Variants in CNTNAP5 observed in about 807,000 individuals in gnomAD.
The protein encoded by CNTNAP5 is contactin associated protein family member 5.
In CNTNAP5, 72 loss-of-function variants were observed where a neutral mutation model predicts 150.2. That is an observed-to-expected ratio of 0.48 (90% CI 0.40 to 0.58). The LOEUF (loss-of-function observed/expected upper bound fraction) is 0.58. CNTNAP5 is among the 20% of genes least tolerant of loss of function. CNTNAP5 has a pLI of 0.00. For missense variants in CNTNAP5, 1,636 were observed against 1,626.2 expected, an observed-to-expected ratio of 1.01 and a Z score of -0.10; for synonymous variants, 672 against 619.8, an observed-to-expected ratio of 1.08 and a Z score of -1.25.
chr2:124,216,944 A>G (rs1255343956), intron 1 of CNTNAP5, among the ~76,000 whole-genome samples: 2 of 152,170 alleles, frequency 1.3e-5, no homozygotes, highest in African/African-American at 4.8e-5. Flanking sequence ...TTCTAGTTCT[A>G]GATCCCTGAG....
chr2:124,456,181 A>G (rs1365826298), intron 6 of CNTNAP5, among the ~76,000 whole-genome samples: 1 of 152,234 alleles, frequency 6.6e-6, no homozygotes, highest in Non-Finnish European at 1.5e-5. Flanking sequence ...AGACTCATTC[A>G]GAAGCTCCTA....
At chr2:124,441,778 A>G (rs868428628) in intron 5 of CNTNAP5, among the ~76,000 whole-genome samples, 2 of 151,962 alleles carry the variant, frequency 1.3e-5, no homozygotes, top group Non-Finnish European at 2.9e-5. Flanking sequence ...AGTTGTGAAC[A>G]TAAGTTTAAG....
intron 17 of CNTNAP5, among the ~76,000 whole-genome samples, chr2:124,786,446 G>GGAAGGAAGGAAA (rs1681590033): frequency 6.3e-5 from 5 of 78,848 alleles, no homozygotes; most frequent in East Asian, 6.7e-4. Flanking sequence ...AAGGAAGGAA[G>GGAAGGAAGGAAA]GAAAGAAAGA....
chr2:124,626,068 A>G (rs1249074131), intron 12 of CNTNAP5, among the ~76,000 whole-genome samples: 1 of 152,196 alleles, frequency 6.6e-6, no homozygotes, highest in Non-Finnish European at 1.5e-5. Context: ...AATATCTGAC[A>G]TGCCCTAAGA....
chr2:124,734,767 G>A (rs867283570), intron 13 of CNTNAP5, among the ~76,000 whole-genome samples: 18 of 152,084 alleles, frequency 1.2e-4, no homozygotes, highest in Middle Eastern at 3.4e-3. Context: ...TAACGCATGC[G>A]ATTTGGTAAG....
chr2:124,247,752 A>C (rs1339435642), intron 3 of CNTNAP5, among the ~76,000 whole-genome samples: 6 of 152,022 alleles, frequency 3.9e-5, no homozygotes, highest in African/African-American at 1.4e-4. Context: ...GAAGAGAGAG[A>C]CTGGATAGAT....
intron 12 of CNTNAP5, among the ~76,000 whole-genome samples, chr2:124,621,905 A>T (rs976536599): frequency 6.6e-6 from 1 of 152,226 alleles, no homozygotes; most frequent in Non-Finnish European, 1.5e-5. Flanking sequence ...ACAATTTGGT[A>T]CTGGTATCTC....
rs565318537 is a variant in CNTNAP5, at chr2:124,025,822, T to C, written c.82+90T>C. 24 of 1,115,926 alleles carry C rather than the reference T, an allele frequency of 2.2e-5. No individual in the cohort carries two copies. The East Asian group carries it at 5.7e-4, about 26-fold the overall frequency. 69.1% of individuals were successfully genotyped at this position (1,115,926 alleles called of 1,614,324 possible). A position where few individuals can be genotyped will look rare whatever the true frequency, so the allele number is the denominator to read the frequency against. On this transcript the variant is annotated intron_variant, in intron 1 of 23. Transcript: ENST00000682447. The stretch of plus-strand genomic sequence containing the variant: ...AACTATCTAAGCGTACTCGATTGTG[T>C]CTGCTTTGGGCAAAGGAAACGGAAA...
chr2:124,685,082 G>A (rs1397769684), intron 13 of CNTNAP5, among the ~76,000 whole-genome samples: 1 of 152,040 alleles, frequency 6.6e-6, no homozygotes, highest in African/African-American at 2.4e-5. Flanking sequence ...TTTCTAGATA[G>A]CCTCTGAGGT....
intron 17 of CNTNAP5, among the ~76,000 whole-genome samples, chr2:124,786,353 A>AAGAAAGAG (rs1398969552): frequency 7.7e-5 from 3 of 39,018 alleles, no homozygotes; most frequent in African/African-American, 3.4e-4. Flanking sequence ...GAAAGAAAGG[A>AAGAAAGAG]AGAAAGAAAG....
chr2:124,841,446 C>A (rs1031752662), intron 19 of CNTNAP5, among the ~76,000 whole-genome samples: 2 of 150,704 alleles, frequency 1.3e-5, no homozygotes, highest in African/African-American at 2.4e-5. Flanking sequence ...CTGTTTTCTT[C>A]TCCTTCTCAT....
At chr2:124,067,019 C>G (rs1234546) in intron 1 of CNTNAP5, among the ~76,000 whole-genome samples, 150,754 of 152,266 alleles carry the variant, frequency 0.99, 74,649 homozygotes, top group South Asian at 1. Flanking sequence ...CTATTTACCT[C>G]TTTGTTTAGA....
chr2:124,369,005 A>T (rs111234654), intron 3 of CNTNAP5, among the ~76,000 whole-genome samples: 1 of 152,264 alleles, frequency 6.6e-6, no homozygotes, highest in East Asian at 1.9e-4. Flanking sequence ...TAATTTTTTA[A>T]AAAATAGTTG....
intron 13 of CNTNAP5, among the ~76,000 whole-genome samples, chr2:124,739,904 C>G (rs78105235): frequency 0.25 from 38,405 of 151,852 alleles, 5,515 homozygotes; most frequent in Non-Finnish European, 0.34. Flanking sequence ...TTCCATTACT[C>G]TTAGCTGTGT....
At chr2:124,079,296 C>CCCAT (rs1176733205) in intron 1 of CNTNAP5, among the ~76,000 whole-genome samples, 1 of 152,126 alleles carries the variant, frequency 6.6e-6, no homozygotes, top group Non-Finnish European at 1.5e-5. Context: ...GGCTCCAACC[C>CCCAT]CCATGTTCTT....
intron 1 of CNTNAP5, among the ~76,000 whole-genome samples, chr2:124,108,897 G>A (rs1683228923): frequency 1.3e-5 from 2 of 152,224 alleles, no homozygotes; most frequent in South Asian, 4.1e-4. Context: ...TTCTTAGACT[G>A]TCATTCATGC....
At chr2:124,832,718 C>T (rs941943137) in intron 19 of CNTNAP5, among the ~76,000 whole-genome samples, 2 of 151,876 alleles carry the variant, frequency 1.3e-5, no homozygotes, top group African/African-American at 4.8e-5. Flanking sequence ...ACAAAATCTC[C>T]AGTTACTAAT....
chr2:124,799,316 G>T (rs1297718834), intron 19 of CNTNAP5, among the ~76,000 whole-genome samples: 1 of 152,212 alleles, frequency 6.6e-6, no homozygotes, highest in Non-Finnish European at 1.5e-5. Context: ...GCTACTGCGA[G>T]TTAAAATTTT....
At chr2:124,643,655 C>T (rs939316524) in intron 12 of CNTNAP5, among the ~76,000 whole-genome samples, 3 of 152,208 alleles carry the variant, frequency 2.0e-5, no homozygotes, top group Non-Finnish European at 2.9e-5. Flanking sequence ...TTGTAGAAAA[C>T]TTCTAATGCT....
Sources: allele counts gnomAD v4.1 joint callset (sites outside exome capture counted in the v4.1 genomes callset), GRCh38; gene constraint gnomAD v4.1.1; transcripts MANE v1.5; gene names NCBI Gene and HGNC (gene_info 2026-07-23, HGNC 2026-07-21).